The following PCCA variants were observed in gnomAD, a reference collection of about 807,000 sequenced individuals.
PCCA encodes propionyl-CoA carboxylase subunit alpha.
A neutral mutation model predicts 101.3 loss-of-function variants in PCCA; 74 were observed. The observed-to-expected ratio is 0.73, with a 90% CI of 0.61 to 0.89. The LOEUF (loss-of-function observed/expected upper bound fraction) is 0.89, where lower values mean the gene tolerates loss of function less well. Ranked by LOEUF, PCCA falls within the 40% of genes least tolerant of loss-of-function variation. The probability of loss-of-function intolerance (pLI) is 0.00; values close to 1 mark genes in which losing one functional copy is unlikely to be tolerated. For synonymous variants in PCCA, 294 were observed against 313.6 expected (o/e 0.94, Z 0.66); for missense variants, 891 against 907.0 (o/e 0.98, Z 0.23).
intron 19 of PCCA, among the ~76,000 whole-genome samples, chr13:100,416,820 C>T (rs777847529): frequency 9.2e-5 from 14 of 151,930 alleles, no homozygotes; most frequent in Admixed American, 5.2e-4. Flanking sequence ...CCACCGCGCC[C>T]GACCAGTATT....
chr13:100,105,992 G>A (rs1421471137), intron 2 of PCCA, among the ~76,000 whole-genome samples: 1 of 151,624 alleles, frequency 6.6e-6, no homozygotes, highest in Non-Finnish European at 1.5e-5. Context: ...CTATTAGAAT[G>A]TAATAATGTA....
intron 21 of PCCA, among the ~76,000 whole-genome samples, chr13:100,497,891 C>T (rs544659859): frequency 1.3e-5 from 2 of 151,838 alleles, no homozygotes; most frequent in African/African-American, 4.8e-5. Context: ...TTTTTAGACA[C>T]AGGGTCTCAC....
chr13:100,354,555 A>G (rs2073752682), intron 18 of PCCA, among the ~76,000 whole-genome samples: 2 of 152,316 alleles, frequency 1.3e-5, no homozygotes, highest in South Asian at 4.1e-4. Context: ...GAGGAAATCA[A>G]TAAAAGCAAA....
At chr13:100,167,073 A>G (rs141909493) in intron 6 of PCCA, among the ~76,000 whole-genome samples, 3 of 152,266 alleles carry the variant, frequency 2.0e-5, no homozygotes, top group Admixed American at 1.3e-4. Context: ...ATTTAGACAT[A>G]TTAGGGTTCT....
At chr13:100,390,403 T>C (rs1283348152) in intron 19 of PCCA, among the ~76,000 whole-genome samples, 4 of 152,184 alleles carry the variant, frequency 2.6e-5, no homozygotes, top group Admixed American at 2.6e-4. Context: ...GGTCATTGCA[T>C]GTGAGGTTCT....
At chr13:100,482,745 G>A (rs1298377183) in intron 21 of PCCA, among the ~76,000 whole-genome samples, 2 of 152,276 alleles carry the variant, frequency 1.3e-5, no homozygotes, top group East Asian at 3.9e-4. Context: ...CATGCCACGG[G>A]TGCAGTGGCT....
At position 100,530,308 on chromosome 13, in the gene PCCA, A is replaced by G; in HGVS notation, c.*142A>G. ...TCATTTATTCCACAGAGTCAAGACC[A>G]ATATTCTGCCAAAAAATCACCAATG... is the stretch of plus-strand genomic sequence containing the variant. On this transcript the variant is annotated 3_prime_UTR_variant, in exon 24 of 24. Coordinates refer to ENST00000376285, the MANE Select transcript of PCCA (RefSeq NM_000282.4). 1.4e-6 allele frequency: 1 copy of G among 726,124 alleles called. No homozygotes were observed. The highest frequency in any genetic ancestry group is 2.5e-6 in the Non-Finnish European group (1 of 404,152). 45.0% of individuals were successfully genotyped at this position (726,124 alleles called of 1,614,324 possible).
intron 21 of PCCA, among the ~76,000 whole-genome samples, chr13:100,450,145 G>A (rs768383858): frequency 2.6e-5 from 4 of 152,196 alleles, no homozygotes; most frequent in African/African-American, 7.2e-5. Context: ...AGCACTTTGG[G>A]AGGCTGAGGC....
At chr13:100,294,530 T>G (rs2065375184) in intron 12 of PCCA, among the ~76,000 whole-genome samples, 1 of 152,074 alleles carries the variant, frequency 6.6e-6, no homozygotes. Flanking sequence ...AAATCCTATC[T>G]CCCATCCCCC....
At chr13:100,293,288 A>G (rs2065276458) in intron 12 of PCCA, 1 of 470,998 alleles carries the variant, frequency 2.1e-6, no homozygotes, top group Non-Finnish European at 4.4e-6. Context: ...TGTGAAGGCT[A>G]TACACTCTAA....
intron 8 of PCCA, among the ~76,000 whole-genome samples, chr13:100,243,530 CA>C (rs1441548618): frequency 6.6e-6 from 1 of 152,094 alleles, no homozygotes; most frequent in Non-Finnish European, 1.5e-5. Flanking sequence ...TAGGATTATT[CA>C]AATAAATTCA....
rs137861347 is a variant in PCCA at position 100,273,228 on chromosome 13, T to A, written c.947T>A (p.Met316Lys). ...IFLDAETRRA[M>K]GEQAVALARA... ...TTGGATGCGGAGACTCGAAGAGCGA[T>A]GGGAGAACAAGCTGTAGCTCTTGCC... is the stretch of plus-strand genomic sequence containing the variant. Residue 316 changes from methionine (M) to lysine (K), a missense_variant, in exon 12 of 24, where the codon ATG (methionine) becomes AAG (lysine). Coordinates refer to ENST00000376285, the MANE Select transcript of PCCA (RefSeq NM_000282.4). The A allele has an allele frequency of 6.2e-7, 1 of 1,613,000 alleles. No individual in the cohort carries two copies. The highest frequency in any genetic ancestry group is 1.1e-5 in the South Asian group (1 of 91,044).
intron 6 of PCCA, among the ~76,000 whole-genome samples, chr13:100,184,862 G>T (rs1337210941): frequency 2.0e-5 from 3 of 151,762 alleles, no homozygotes; most frequent in East Asian, 1.9e-4. Flanking sequence ...TGGCCTGTAG[G>T]CTGTAATTGG....
chr13:100,123,298 A>G (rs555236265), intron 4 of PCCA, among the ~76,000 whole-genome samples: 3 of 152,064 alleles, frequency 2.0e-5, no homozygotes, highest in African/African-American at 7.2e-5. Flanking sequence ...CAGGTGATCC[A>G]CCCTCCTCGG....
chr13:100,427,289 A>G (rs1398298641), intron 20 of PCCA, among the ~76,000 whole-genome samples: 1 of 152,246 alleles, frequency 6.6e-6, no homozygotes, highest in Non-Finnish European at 1.5e-5. Context: ...GATAGACTGT[A>G]CAGTGCATCG....
At chr13:100,255,780 C>G (rs1287843583) in intron 8 of PCCA, among the ~76,000 whole-genome samples, 2 of 152,140 alleles carry the variant, frequency 1.3e-5, no homozygotes, top group Non-Finnish European at 2.9e-5. Context: ...GATTAAAACT[C>G]GTGCATAATC....
At chr13:100,494,843 C>T (rs1377317142) in intron 21 of PCCA, among the ~76,000 whole-genome samples, 1 of 152,168 alleles carries the variant, frequency 6.6e-6, no homozygotes, top group Non-Finnish European at 1.5e-5. Flanking sequence ...ATCCCTACTT[C>T]TGGAAAGCTC....
intron 1 of PCCA, among the ~76,000 whole-genome samples, chr13:100,102,609 T>C (rs760068955): frequency 2.6e-5 from 4 of 152,236 alleles, no homozygotes; most frequent in African/African-American, 4.8e-5. Flanking sequence ...TTTTGAATGA[T>C]CAGAAAGGCT....
intron 19 of PCCA, among the ~76,000 whole-genome samples, chr13:100,419,567 G>T (rs2078610992): frequency 6.6e-6 from 1 of 152,204 alleles, no homozygotes; most frequent in African/African-American, 2.4e-5. Context: ...TATGGGGAAA[G>T]GTGTATGGTA....
Sources: allele counts gnomAD v4.1 joint callset (sites outside exome capture counted in the v4.1 genomes callset), GRCh38; gene constraint gnomAD v4.1.1; transcripts MANE v1.5; gene names NCBI Gene and HGNC (gene_info 2026-07-23, HGNC 2026-07-21).